The following KLHDC10 variants were observed in gnomAD, a reference collection of about 807,000 sequenced individuals.
KLHDC10 encodes the protein kelch domain-containing protein 10.
Under a neutral mutation model 56.1 loss-of-function variants are expected in KLHDC10, and 24 were observed. The observed-to-expected ratio is 0.43, with a 90% CI of 0.31 to 0.60. The LOEUF is 0.60. KLHDC10 is among the 20% of genes least tolerant of loss of function. The pLI, the probability that KLHDC10 is intolerant of heterozygous loss-of-function variation, is 0.11. For missense variants in KLHDC10, 349 were observed against 567.0 expected, an observed-to-expected ratio of 0.62 and a Z score of 3.91; for synonymous variants, 188 against 207.1, an observed-to-expected ratio of 0.91 and a Z score of 0.79.
chr7:130,070,599 G>A lies in KLHDC10; in HGVS notation c.-45G>A. The A allele has an allele frequency of 7.7e-7, 1 of 1,293,378 alleles. No individual in the cohort carries two copies. The highest frequency in any genetic ancestry group is 2.9e-5 in the South Asian group (1 of 33,942). 80.1% of individuals were successfully genotyped at this position (1,293,378 alleles called of 1,614,324 possible). A position where few individuals can be genotyped will look rare whatever the true frequency, so the allele number is the denominator to read the frequency against. On this transcript the variant is annotated 5_prime_UTR_variant, in exon 1 of 10. Coordinates refer to ENST00000335420, the MANE Select transcript of KLHDC10 (RefSeq NM_014997.4). ...GAAGGAGGCTCCGCTGGTTCCGCTG[G>A]GTCAGGCGCTGACGGGACCGGGCTG... is the stretch of plus-strand genomic sequence containing the variant.
intron 1 of KLHDC10, among the ~76,000 whole-genome samples, chr7:130,093,109 A>G (rs571828223): frequency 6.6e-6 from 1 of 152,016 alleles, no homozygotes; most frequent in South Asian, 2.1e-4. Flanking sequence ...GCCAATGACT[A>G]TGTTATATTT....
At chr7:130,129,623 G>A (rs767961194) in intron 9 of KLHDC10, 47 bp downstream of exon 9, 2 of 1,555,806 alleles carry the variant, frequency 1.3e-6, no homozygotes, top group Non-Finnish European at 8.7e-7. Context: ...CAGATGATAA[G>A]GAAATCTTTT....
intron 4 of KLHDC10, among the ~76,000 whole-genome samples, chr7:130,121,214 C>G (rs747725637): frequency 7.2e-5 from 11 of 152,080 alleles, no homozygotes; most frequent in East Asian, 1.9e-4. Context: ...ACCCTCACCC[C>G]CCGTGAGAGA....
At chr7:130,103,729 T>A (rs973912866) in intron 2 of KLHDC10, among the ~76,000 whole-genome samples, 1 of 152,090 alleles carries the variant, frequency 6.6e-6, no homozygotes, top group Non-Finnish European at 1.5e-5. Context: ...GGGGTCAAAA[T>A]AAGATTTCTG....
At chr7:130,096,692 C>T (rs1795853592) in intron 1 of KLHDC10, among the ~76,000 whole-genome samples, 2 of 152,142 alleles carry the variant, frequency 1.3e-5, no homozygotes, top group Non-Finnish European at 2.9e-5. Context: ...AAAAACGGTG[C>T]ACAAAATTGT....
intron 1 of KLHDC10, among the ~76,000 whole-genome samples, chr7:130,072,100 TGAAAAA>T (rs1240119303): frequency 6.6e-6 from 1 of 152,034 alleles, no homozygotes; most frequent in African/African-American, 2.4e-5. Flanking sequence ...ATCTTTAACA[TGAAAAA>T]GAAAAAAGGA....
chr7:130,078,296 C>A (rs1217721990), intron 1 of KLHDC10, among the ~76,000 whole-genome samples: 2 of 150,878 alleles, frequency 1.3e-5, no homozygotes, highest in Non-Finnish European at 2.9e-5. Context: ...ATCGCTTGAA[C>A]CCTGGAGGCG....
intron 2 of KLHDC10, among the ~76,000 whole-genome samples, chr7:130,111,608 T>C (rs545393333): frequency 1.3e-5 from 2 of 152,214 alleles, no homozygotes; most frequent in South Asian, 4.2e-4. Flanking sequence ...CTACTTTAGA[T>C]GCTGAGGTGA....
At chr7:130,124,967 TC>T (rs1232376004) in intron 6 of KLHDC10, among the ~76,000 whole-genome samples, 7 of 152,176 alleles carry the variant, frequency 4.6e-5, no homozygotes, top group African/African-American at 1.7e-4. Context: ...TATTCATCCA[TC>T]CCTGTGGCAT....
chr7:130,120,713 C>A lies in KLHDC10; in HGVS notation c.476-36C>A. ...TATGTGGGAACAAATTGCAGGTAGC[C>A]ATTTGTGAACAGAACTTGTGCTTCT... On this transcript the variant is annotated intron_variant, in intron 3 of 9. Transcript: ENST00000335420. The surrounding 1 kb of genome is among the most constrained non-coding windows in gnomAD (Gnocchi z 5.1). The A allele has an allele frequency of 1.2e-6, 2 of 1,607,814 alleles. No individual in the cohort carries two copies. The highest frequency in any genetic ancestry group is 1.1e-5 in the South Asian group (1 of 90,336).
chr7:130,099,496 G>T (rs1479162560), intron 2 of KLHDC10, among the ~76,000 whole-genome samples: 1 of 152,170 alleles, frequency 6.6e-6, no homozygotes, highest in East Asian at 1.9e-4. Context: ...GCTGAAGGAG[G>T]GTGACAGAGG....
rs974750821 is a variant in KLHDC10, at chr7:130,102,718, C to T, written c.253+5711C>T. On this transcript the variant is annotated intron_variant, in intron 2 of 9. Coordinates refer to ENST00000335420, the MANE Select transcript of KLHDC10 (RefSeq NM_014997.4). ...GCAGCCGCCTGTAATCCTAGCTATT[C>T]GTGAGGCTGAGGCATGAGAATCACT... 3.3e-5 allele frequency among the ~76,000 whole-genome samples: 5 copies of T among 152,046 alleles called. No individual in the cohort carries two copies. In the East Asian group the frequency reaches 7.7e-4, roughly 23 times the overall value.
Position 130,130,883 on chromosome 7 carries a change from T to C in KLHDC10, c.*137T>C. On this transcript the variant is annotated 3_prime_UTR_variant, in exon 10 of 10. Coordinates refer to ENST00000335420, the MANE Select transcript of KLHDC10 (RefSeq NM_014997.4). The surrounding 1 kb of genome is among the most constrained non-coding windows in gnomAD (Gnocchi z 4.2). The stretch of plus-strand genomic sequence containing the variant: ...TATTTAGAAAATACATCAGATGCCT[T>C]TCTGTAAATTGGTTTTTCAGTTTAT... The C allele has an allele frequency of 1.3e-6, 1 of 795,390 alleles. No homozygotes were observed. Among genetic ancestry groups the C allele is most frequent in the Non-Finnish European group, 2.0e-6 (1 of 497,708 alleles). 49.3% of individuals were successfully genotyped at this position (795,390 alleles called of 1,614,324 possible). A position where few individuals can be genotyped will look rare whatever the true frequency, so the allele number is the denominator to read the frequency against.
At position 130,073,500 on chromosome 7, in the gene KLHDC10, TG is replaced by T. The variant is rs544223403; in HGVS notation, c.166+2693del. Among the ~76,000 whole-genome samples the T allele has an allele frequency of 6.2e-3, 948 of 152,196 alleles. 9 individuals are homozygous for T. The highest frequency in any genetic ancestry group is 0.021 in the African/African-American group (880 of 41,532). ...TGGTAGAGATGGGTTTTTGCCATGT[TG>T]GCCAGGCTGGGCTCGAACTCCTGGC... On this transcript the variant is annotated intron_variant, in intron 1 of 9. Coordinates refer to ENST00000335420, the MANE Select transcript of KLHDC10 (RefSeq NM_014997.4).
intron 6 of KLHDC10, 23 bp from the exon 7 acceptor site, chr7:130,125,842 A>T (rs766651966): frequency 6.4e-7 from 1 of 1,559,008 alleles, no homozygotes; most frequent in South Asian, 1.2e-5. Context: ...ATGTATGTGT[A>T]TATGTTCTTT....
chr7:130,078,503 C>T (rs560251205), intron 1 of KLHDC10, among the ~76,000 whole-genome samples: 3 of 152,048 alleles, frequency 2.0e-5, no homozygotes, highest in Non-Finnish European at 4.4e-5. Context: ...AGGTATAAGC[C>T]TCCGCGCCCT....
At chr7:130,123,007 A>ATG (rs1796268880) in intron 5 of KLHDC10, among the ~76,000 whole-genome samples, 5 of 142,952 alleles carry the variant, frequency 3.5e-5, no homozygotes, top group African/African-American at 1.3e-4. Context: ...GATGAATGAT[A>ATG]GATGGATGTA....
chr7:130,109,133 CT>C (rs1796064529), intron 2 of KLHDC10, among the ~76,000 whole-genome samples: 1 of 151,996 alleles, frequency 6.6e-6, no homozygotes, highest in Non-Finnish European at 1.5e-5. Flanking sequence ...TCTCGAACTC[CT>C]AATCTCAAGT....
chr7:130,075,979 G>T (rs1379799561), intron 1 of KLHDC10, among the ~76,000 whole-genome samples: 6 of 151,866 alleles, frequency 4.0e-5, no homozygotes, highest in Non-Finnish European at 5.9e-5. Flanking sequence ...TATAAAGGCG[G>T]TACCCAACCT....
Sources: gnomAD v4.1 joint callset for allele counts (sites outside exome capture counted in the v4.1 genomes callset) on GRCh38, gnomAD v4.1.1 for gene constraint, Gnocchi (gnomAD v3.1) non-coding constraint, MANE v1.5 for transcripts, NCBI Gene and HGNC (gene_info 2026-07-23, HGNC 2026-07-21) for gene names.